HIBADH: variants seen among roughly 807,000 people sequenced by gnomAD.
HIBADH encodes 3-hydroxyisobutyrate dehydrogenase.
In HIBADH, 25 loss-of-function variants were observed where a neutral mutation model predicts 36.1. The observed-to-expected ratio is 0.69, with a 90% CI of 0.50 to 0.97. HIBADH has a LOEUF of 0.97. Ranked by LOEUF, HIBADH falls within the 50% of genes least tolerant of loss-of-function variation. The pLI, the probability that HIBADH is intolerant of heterozygous loss-of-function variation, is 0.00. For synonymous variants in HIBADH, 160 were observed against 149.5 expected (o/e 1.07, Z -0.51); for missense variants, 421 against 418.0 (o/e 1.01, Z -0.06).
chr7:27,538,278 A>T, intron 6 of HIBADH, 63 bp downstream of exon 6: 1 of 1,235,210 alleles, frequency 8.1e-7, no homozygotes, highest in Admixed American at 1.8e-5. Context: ...TTTTTTTAAC[A>T]TCAGAAAATC....
chr7:27,632,350 T>A lies in HIBADH; in HGVS notation c.348A>T (p.Ala116=), dbSNP rs755559813. The part of the protein sequence containing the change: ...SINAIEAYSG[A]NGILKKVKKG... ...GAAATACATACTTTAGAATCCCATT[T>A]GCTCCGGAATAAGCTTCTATTGCAT... Residue 116 remains alanine, a synonymous_variant, in exon 3 of 8, where the codon GCA becomes GCT. Transcript: ENST00000265395. 13 of 1,605,424 alleles carry A rather than the reference T, an allele frequency of 8.1e-6. No individual in the cohort carries two copies. Among genetic ancestry groups the A allele is most frequent in the Non-Finnish European group, 1.1e-5 (13 of 1,172,392 alleles).
chr7:27,537,536 C>G (rs946220256), intron 6 of HIBADH, among the ~76,000 whole-genome samples: 6 of 152,036 alleles, frequency 3.9e-5, no homozygotes, highest in Admixed American at 1.3e-4. Flanking sequence ...AGTAAAGCAT[C>G]CTGCTCATTA....
At chr7:27,556,249 A>G (rs1168276337) in intron 4 of HIBADH, among the ~76,000 whole-genome samples, 12 of 152,186 alleles carry the variant, frequency 7.9e-5, no homozygotes, top group Non-Finnish European at 1.8e-4. Flanking sequence ...TACATAGTTC[A>G]CTGGGTTTCC....
intron 4 of HIBADH, among the ~76,000 whole-genome samples, chr7:27,552,613 G>C (rs936942809): frequency 2.0e-5 from 3 of 152,308 alleles, no homozygotes; most frequent in East Asian, 3.9e-4. Flanking sequence ...TTCTATGGCA[G>C]TTGAATAAAC....
intron 4 of HIBADH, among the ~76,000 whole-genome samples, chr7:27,621,352 G>A (rs892544979): frequency 6.6e-6 from 1 of 152,062 alleles, no homozygotes; most frequent in Non-Finnish European, 1.5e-5. Context: ...AATTTAAACT[G>A]GAGTTTACAC....
chr7:27,603,930 C>A (rs1278480172), intron 4 of HIBADH, among the ~76,000 whole-genome samples: 3 of 152,078 alleles, frequency 2.0e-5, no homozygotes, highest in Non-Finnish European at 4.4e-5. Flanking sequence ...GTAGTACTTT[C>A]TCTCCCCTTT....
chr7:27,535,523 A>T (rs1026863453), intron 6 of HIBADH, among the ~76,000 whole-genome samples: 5 of 151,812 alleles, frequency 3.3e-5, no homozygotes, highest in Admixed American at 6.6e-5. Context: ...ACCACCAAAA[A>T]TTTTTTTTTA....
At chr7:27,560,180 G>C (rs957415622) in intron 4 of HIBADH, among the ~76,000 whole-genome samples, 5 of 152,198 alleles carry the variant, frequency 3.3e-5, no homozygotes. Flanking sequence ...GGAGTGCAGT[G>C]GTGAGATCTC....
rs145402253 is a variant in HIBADH at position 27,650,508 on chromosome 7, T to A, written c.92-875A>T. Among the ~76,000 whole-genome samples the A allele has an allele frequency of 2.4e-3, 305 of 128,906 alleles. 1 individual carries two copies. Among genetic ancestry groups the A allele is most frequent in the African/African-American group, 8.4e-3 (292 of 34,970 alleles). The allele number at this position is 128,906 out of a possible 152,430, so 84.6% of individuals were successfully genotyped here. Reference sequence around the variant, plus strand: ...TATTTATTTATTTATTTATTTATTTTTTGAGACGGAGTCTCACTCTGTCAC... The same window carrying A: ...TATTTATTTATTTATTTATTTATTTATTGAGACGGAGTCTCACTCTGTCAC... On this transcript the variant is annotated intron_variant, in intron 1 of 7. Coordinates refer to ENST00000265395, the MANE Select transcript of HIBADH (RefSeq NM_152740.4).
chr7:27,585,513 C>T (rs1784849102), intron 4 of HIBADH, among the ~76,000 whole-genome samples: 1 of 152,152 alleles, frequency 6.6e-6, no homozygotes, highest in African/African-American at 2.4e-5. Flanking sequence ...AGCCAGGAGA[C>T]ACTACATATA....
At chr7:27,560,649 T>C (rs1784451246) in intron 4 of HIBADH, among the ~76,000 whole-genome samples, 1 of 152,232 alleles carries the variant, frequency 6.6e-6, no homozygotes, top group South Asian at 2.1e-4. Context: ...GAGCTGCATT[T>C]TGTTCTTTAA....
intron 4 of HIBADH, among the ~76,000 whole-genome samples, chr7:27,563,099 C>A (rs1471631785): frequency 6.6e-6 from 1 of 152,144 alleles, no homozygotes; most frequent in East Asian, 1.9e-4. Context: ...ACTCCTGATC[C>A]TACTATCTGT....
intron 4 of HIBADH, among the ~76,000 whole-genome samples, chr7:27,609,368 G>T (rs554827124): frequency 6.6e-6 from 1 of 152,204 alleles, no homozygotes; most frequent in African/African-American, 2.4e-5. Context: ...ATTTTTATGG[G>T]CACCTCTTCT....
chr7:27,545,419 C>G (rs1220024060), intron 4 of HIBADH, among the ~76,000 whole-genome samples: 2 of 152,186 alleles, frequency 1.3e-5, no homozygotes, highest in African/African-American at 4.8e-5. Flanking sequence ...GCCTGGACAA[C>G]AGAGCAAGAC....
chr7:27,564,890 A>T (rs1784523408), intron 4 of HIBADH, among the ~76,000 whole-genome samples: 1 of 152,198 alleles, frequency 6.6e-6, no homozygotes, highest in Non-Finnish European at 1.5e-5. Context: ...GTAAATAATA[A>T]TGTTTTAAAT....
Position 27,649,526 on chromosome 7 carries a change from T to A in HIBADH, c.199A>T (p.Ile67Phe). 6.2e-7 allele frequency: 1 copy of A among 1,613,924 alleles called. No homozygotes were observed. The highest frequency in any genetic ancestry group is 8.5e-7 in the Non-Finnish European group (1 of 1,179,884). ...NLMKHGYPLI[I>F]YDVFPDACKE... ...CAGGCATCAGGGAACACATCATAAATAATAAGTGGATAGCCATGTTTCATG... is the reference window on the plus strand; with the variant it reads ...CAGGCATCAGGGAACACATCATAAAAAATAAGTGGATAGCCATGTTTCATG... Residue 67 changes from isoleucine to phenylalanine, a missense_variant, in exon 2 of 8, where the codon ATT (isoleucine) becomes TTT (phenylalanine). Transcript: ENST00000265395.
At chr7:27,583,906 A>C (rs1052973662) in intron 4 of HIBADH, among the ~76,000 whole-genome samples, 2 of 152,030 alleles carry the variant, frequency 1.3e-5, no homozygotes, top group Non-Finnish European at 1.5e-5. Context: ...TTTTGGGAAA[A>C]ATAACAAGCA....
Position 27,662,872 on chromosome 7 carries a change from T to A in HIBADH, c.-84A>T. 1 of 1,143,846 alleles carries A rather than the reference T, an allele frequency of 8.7e-7. No homozygotes were observed. Among genetic ancestry groups the A allele is most frequent in the Non-Finnish European group, 1.2e-6 (1 of 864,720 alleles). 70.9% of individuals were successfully genotyped at this position (1,143,846 alleles called of 1,614,324 possible). A position where few individuals can be genotyped will look rare whatever the true frequency, so the allele number is the denominator to read the frequency against. On this transcript the variant is annotated 5_prime_UTR_variant, in exon 1 of 8. Coordinates refer to ENST00000265395, the MANE Select transcript of HIBADH (RefSeq NM_152740.4). ...TGCGAGCGTGTGCAGCGGGACTGGC[T>A]GGCTCGCCCACGGAGAAGGGCGCGC...
chr7:27,597,488 TG>T (rs1368951166), intron 4 of HIBADH, among the ~76,000 whole-genome samples: 3 of 151,324 alleles, frequency 2.0e-5, no homozygotes, highest in Non-Finnish European at 4.4e-5. Flanking sequence ...TCAATAATCC[TG>T]TATTTTCAGG....
Sources: gnomAD v4.1 joint callset for allele counts (sites outside exome capture counted in the v4.1 genomes callset) on GRCh38, gnomAD v4.1.1 for gene constraint, MANE v1.5 for transcripts, NCBI Gene and HGNC (gene_info 2026-07-23, HGNC 2026-07-21) for gene names.